The following VTI1A variants were observed in gnomAD, a reference collection of about 807,000 sequenced individuals.
VTI1A encodes vesicle transport through interaction with t-SNAREs 1A.
In VTI1A, 22 loss-of-function variants were observed where a neutral mutation model predicts 34.9. The observed-to-expected ratio is 0.63, with a 90% CI of 0.45 to 0.90. The LOEUF (loss-of-function observed/expected upper bound fraction) is 0.90, where lower values mean the gene tolerates loss of function less well. Among genes scored for constraint, VTI1A ranks in the 40% least tolerant of loss-of-function variants. The pLI, the probability that VTI1A is intolerant of heterozygous loss-of-function variation, is 0.00. For missense variants in VTI1A, 268 were observed against 275.6 expected, an observed-to-expected ratio of 0.97 and a Z score of 0.20; for synonymous variants, 87 against 97.3, an observed-to-expected ratio of 0.89 and a Z score of 0.62.
intron 7 of VTI1A, among the ~76,000 whole-genome samples, chr10:112,801,472 C>A (rs747615247): frequency 8.5e-5 from 13 of 152,178 alleles, no homozygotes; most frequent in Admixed American, 2.0e-4. Context: ...TCCTTTATTA[C>A]CATTTCGTGG....
chr10:112,615,357 T>C (rs1845477480), intron 5 of VTI1A, among the ~76,000 whole-genome samples: 1 of 152,244 alleles, frequency 6.6e-6, no homozygotes, highest in Non-Finnish European at 1.5e-5. Flanking sequence ...ATAGTTCTTT[T>C]ACATCTCAGG....
At chr10:112,601,223 T>A (rs1235093835) in intron 5 of VTI1A, among the ~76,000 whole-genome samples, 1 of 152,054 alleles carries the variant, frequency 6.6e-6, no homozygotes, top group African/African-American at 2.4e-5. Context: ...AAGGAACTGC[T>A]TAAACAAAGG....
At chr10:112,659,459 C>T (rs1039513107) in intron 5 of VTI1A, among the ~76,000 whole-genome samples, 2 of 152,164 alleles carry the variant, frequency 1.3e-5, no homozygotes, top group Admixed American at 6.5e-5. Context: ...TCCAGAGCAT[C>T]GTTACTGGTA....
chr10:112,757,351 ATTTTTTTTTTTTT>A lies in VTI1A; in HGVS notation c.561-57919_561-57907del, dbSNP rs1175362768. Among the ~76,000 whole-genome samples, 13 of 40,692 alleles carry A rather than the reference ATTTTTTTTTTTTT, an allele frequency of 3.2e-4. No individual in the cohort carries two copies. In the East Asian group the frequency reaches 3.9e-3, roughly 12 times the overall value. 26.7% of individuals were successfully genotyped at this position (40,692 alleles called of 152,430 possible). ...CTTTCACCCTTTCTTTGTTGCTGTG[ATTTTTTTTTTTTT>A]TTTTTTTTTTTTTTTTTTTGGAGAC... is the stretch of plus-strand genomic sequence containing the variant. On this transcript the variant is annotated intron_variant, in intron 7 of 7. Transcript: ENST00000393077.
At chr10:112,523,021 G>A (rs1260009218) in intron 3 of VTI1A, among the ~76,000 whole-genome samples, 1 of 151,996 alleles carries the variant, frequency 6.6e-6, no homozygotes, top group African/African-American at 2.4e-5. Context: ...TCCTCATTCT[G>A]GTTACGTATA....
the VTI1A span, among the ~76,000 whole-genome samples, chr10:112,846,040 G>A: frequency 6.6e-6 from 1 of 152,130 alleles, no homozygotes; most frequent in Non-Finnish European, 1.5e-5. Context: ...GACAGAGGTG[G>A]GAATTTTGAT....
the VTI1A span, among the ~76,000 whole-genome samples, chr10:112,829,736 A>C: frequency 6.6e-6 from 1 of 152,246 alleles, no homozygotes; most frequent in African/African-American, 2.4e-5. Flanking sequence ...CCTGGGCAAC[A>C]GAGAAAGACT....
intron 5 of VTI1A, among the ~76,000 whole-genome samples, chr10:112,580,589 T>A (rs2045078775): frequency 6.6e-6 from 1 of 152,200 alleles, no homozygotes; most frequent in Admixed American, 6.5e-5. Context: ...AGTGGAAAGT[T>A]GATGCCTTTT....
chr10:112,564,293 A>C (rs1178518339), intron 5 of VTI1A, among the ~76,000 whole-genome samples: 1 of 151,940 alleles, frequency 6.6e-6, no homozygotes, highest in East Asian at 1.9e-4. Context: ...TGATTTCTTT[A>C]TAACAAAAGC....
At chr10:112,699,635 G>A (rs151319628) in intron 7 of VTI1A, among the ~76,000 whole-genome samples, 5,701 of 138,190 alleles carry the variant, frequency 0.041, 351 homozygotes, top group African/African-American at 0.14. Flanking sequence ...GATCAAGACC[G>A]TCCTGGCCAA....
chr10:112,781,240 C>T (rs1216076518), intron 7 of VTI1A, among the ~76,000 whole-genome samples: 3 of 152,180 alleles, frequency 2.0e-5, no homozygotes, highest in African/African-American at 4.8e-5. Context: ...CCACCGCGCC[C>T]GGCCCAGATC....
intron 5 of VTI1A, among the ~76,000 whole-genome samples, chr10:112,614,451 A>G (rs547704727): frequency 6.6e-6 from 1 of 152,300 alleles, no homozygotes; most frequent in East Asian, 1.9e-4. Context: ...TATGGGAAAA[A>G]GAAAGAGACC....
At chr10:112,608,621 T>A (rs1845178267) in intron 5 of VTI1A, among the ~76,000 whole-genome samples, 2 of 152,140 alleles carry the variant, frequency 1.3e-5, no homozygotes, top group African/African-American at 4.8e-5. Context: ...TAAGGGTCAT[T>A]TTTATATTCG....
At chr10:112,702,383 G>A (rs1398201686) in intron 7 of VTI1A, among the ~76,000 whole-genome samples, 1 of 152,170 alleles carries the variant, frequency 6.6e-6, no homozygotes, top group Non-Finnish European at 1.5e-5. Context: ...TTCGTTTAAA[G>A]CATTACTATG....
intron 7 of VTI1A, among the ~76,000 whole-genome samples, chr10:112,682,290 A>T (rs988009958): frequency 2.6e-5 from 4 of 152,174 alleles, no homozygotes; most frequent in African/African-American, 9.6e-5. Flanking sequence ...TTTTAAATAA[A>T]ACATTATTTC....
At chr10:112,621,651 G>A (rs1845741948) in intron 5 of VTI1A, among the ~76,000 whole-genome samples, 1 of 152,274 alleles carries the variant, frequency 6.6e-6, no homozygotes, top group Non-Finnish European at 1.5e-5. Context: ...ATTTCAGTGA[G>A]CACCAGCGTG....
At chr10:112,594,428 A>G (rs977995472) in intron 5 of VTI1A, among the ~76,000 whole-genome samples, 1 of 152,098 alleles carries the variant, frequency 6.6e-6, no homozygotes, top group Non-Finnish European at 1.5e-5. Flanking sequence ...GTCTCAGCCC[A>G]AAATCTCCTT....
chr10:112,820,990 G>T (rs1379282991), downstream of VTI1A, among the ~76,000 whole-genome samples: 2 of 152,038 alleles, frequency 1.3e-5, no homozygotes, highest in Non-Finnish European at 2.9e-5. Context: ...TCTCTCCAGG[G>T]CCCCCTGCCC....
At chr10:112,523,795 TTAAC>T (rs1316947534) in intron 3 of VTI1A, among the ~76,000 whole-genome samples, 2 of 152,160 alleles carry the variant, frequency 1.3e-5, no homozygotes, top group Non-Finnish European at 2.9e-5. Context: ...ATAGAAGTCA[TTAAC>T]TATTTATAAA....
Sources: allele counts gnomAD v4.1 joint callset (sites outside exome capture counted in the v4.1 genomes callset), GRCh38; gene constraint gnomAD v4.1.1; transcripts MANE v1.5; gene names NCBI Gene and HGNC (gene_info 2026-07-23, HGNC 2026-07-21).